XYLT1: variants seen among roughly 807,000 people sequenced by gnomAD.
XYLT1 encodes beta-D-xylosyltransferase 1.
Under a neutral mutation model 91.3 loss-of-function variants are expected in XYLT1, and 36 were observed. The observed-to-expected ratio is 0.39, with a 90% confidence interval of 0.30 to 0.52. The LOEUF is 0.52. Ranked by LOEUF, XYLT1 falls within the 20% of genes least tolerant of loss-of-function variation. The pLI is 0.68. For synonymous variants in XYLT1, 588 were observed against 532.0 expected, an observed-to-expected ratio of 1.11 and a Z score of -1.45; for missense variants, 1,242 against 1,284.5, an observed-to-expected ratio of 0.97 and a Z score of 0.51.
intron 3 of XYLT1, among the ~76,000 whole-genome samples, chr16:17,238,423 GCA>G (rs970294855): frequency 2.6e-5 from 4 of 152,202 alleles, no homozygotes; most frequent in Non-Finnish European, 5.9e-5. Context: ...TTTTGGAGCT[GCA>G]CAGTTTCTGT....
intron 9 of XYLT1, among the ~76,000 whole-genome samples, chr16:17,132,509 AAT>A (rs1451367606): frequency 1.2e-5 from 1 of 82,430 alleles, no homozygotes; most frequent in Admixed American, 1.4e-4. Flanking sequence ...AGATACCAGC[AAT>A]GACCTGAACC....
intron 5 of XYLT1, among the ~76,000 whole-genome samples, chr16:17,176,215 C>A (rs1002812578): frequency 6.6e-6 from 1 of 152,178 alleles, no homozygotes; most frequent in African/African-American, 2.4e-5. Context: ...GGCACTGTAC[C>A]AGGAATAAGA....
At chr16:17,239,566 C>T (rs2033311775) in intron 3 of XYLT1, among the ~76,000 whole-genome samples, 2 of 149,902 alleles carry the variant, frequency 1.3e-5, no homozygotes, top group Non-Finnish European at 1.5e-5. Flanking sequence ...TCCACCCAGT[C>T]CATCCATCCA....
Position 17,232,999 on chromosome 16 carries a change from C to G in XYLT1, c.913+25989G>C, listed in dbSNP as rs1199286919. Among the ~76,000 whole-genome samples the G allele has an allele frequency of 2.6e-5, 4 of 152,252 alleles. No homozygotes were observed. The South Asian group carries it at 6.2e-4, about 24-fold the overall frequency. On this transcript the variant is annotated intron_variant, in intron 3 of 11. Transcript: ENST00000261381. Reference sequence around the variant, plus strand: ...TTTTTAATGCCTCCACCATATCACTCTCTGACATACACTATCAGGACTTGT... The same window carrying G: ...TTTTTAATGCCTCCACCATATCACTGTCTGACATACACTATCAGGACTTGT...
At chr16:17,413,748 G>A (rs1239211749) in intron 1 of XYLT1, among the ~76,000 whole-genome samples, 2 of 152,088 alleles carry the variant, frequency 1.3e-5, no homozygotes, top group East Asian at 3.9e-4. Context: ...TAGCATTAGG[G>A]GTTTTATAGA....
intron 1 of XYLT1, among the ~76,000 whole-genome samples, chr16:17,429,107 C>T (rs1232967530): frequency 6.6e-6 from 1 of 152,232 alleles, no homozygotes; most frequent in African/African-American, 2.4e-5. Context: ...TCTACCTCTG[C>T]AGGGGGAAAG....
intron 3 of XYLT1, among the ~76,000 whole-genome samples, chr16:17,239,189 A>T (rs1426812775): frequency 6.6e-6 from 1 of 151,886 alleles, no homozygotes; most frequent in Non-Finnish European, 1.5e-5. Context: ...GCAGACTTGG[A>T]CCCCTGTAAT....
At chr16:17,343,828 C>A (rs938088164) in intron 2 of XYLT1, among the ~76,000 whole-genome samples, 1 of 152,158 alleles carries the variant, frequency 6.6e-6, no homozygotes. Context: ...CCTCATCACA[C>A]CCACAGTGAA....
rs772399987 is a variant in XYLT1 at position 17,259,213 on chromosome 16, C to T, written c.688G>A (p.Gly230Arg). The T allele has an allele frequency of 1.3e-5, 21 of 1,613,798 alleles. No homozygotes were observed. In the Admixed American group the frequency reaches 2.0e-4, roughly 15 times the overall value. The change falls in exon 3 of 12, where the codon GGG becomes AGG. Residue 230 changes from glycine to arginine, a missense_variant. Coordinates refer to ENST00000261381, the MANE Select transcript of XYLT1 (RefSeq NM_022166.4). ...GDRAAANSSHGKDVSRPPHAR... is the reference protein window; with the variant it reads ...GDRAAANSSHRKDVSRPPHAR... ...TGAGGCGGTCTGGACACATCCTTCC[C>T]GTGGCTGCTGTTGGCTGCGGCTCTG... is the stretch of plus-strand genomic sequence containing the variant.
chr16:17,313,687 T>TC (rs2034585638), intron 2 of XYLT1, among the ~76,000 whole-genome samples: 3 of 137,884 alleles, frequency 2.2e-5, no homozygotes, highest in African/African-American at 9.1e-5. Context: ...ATCCAAACCA[T>TC]TAAAAAAAAA....
intron 3 of XYLT1, among the ~76,000 whole-genome samples, chr16:17,252,020 C>A (rs765091351): frequency 4.5e-4 from 68 of 152,100 alleles, no homozygotes; most frequent in Non-Finnish European, 2.8e-4. Flanking sequence ...ATGGCTGACA[C>A]CATCAAAGAA....
In XYLT1 at chr16:17,230,988, A is replaced by C. The variant is rs560962751; in HGVS notation, c.913+28000T>G. 2.0e-5 allele frequency among the ~76,000 whole-genome samples: 3 copies of C among 152,360 alleles called. No individual in the cohort carries two copies. In the East Asian group the frequency reaches 5.8e-4, roughly 29 times the overall value. On this transcript the variant is annotated intron_variant, in intron 3 of 11. Transcript: ENST00000261381. ...CAGCCCAAAGTGTCAACAGGACCAC[A>C]GTTGAAAAACCCTGAGCTAACAGAA...
chr16:17,411,795 A>G (rs1296561100), intron 1 of XYLT1, among the ~76,000 whole-genome samples: 1 of 152,190 alleles, frequency 6.6e-6, no homozygotes, highest in African/African-American at 2.4e-5. Context: ...GGCTCCGGAA[A>G]CTGTCCAAGA....
chr16:17,254,693 C>T (rs1290838266), intron 3 of XYLT1, among the ~76,000 whole-genome samples: 3 of 152,108 alleles, frequency 2.0e-5, no homozygotes, highest in Non-Finnish European at 2.9e-5. Flanking sequence ...CCGTGCCTGG[C>T]CTAGCTTACT....
intron 2 of XYLT1, chr16:17,338,265 C>T: frequency 2.2e-6 from 1 of 456,532 alleles, no homozygotes; most frequent in Non-Finnish European, 4.4e-6. Context: ...TTGGACCATG[C>T]TCTTCTGCTC....
chr16:17,265,675 T>G (rs879547742), intron 2 of XYLT1, among the ~76,000 whole-genome samples: 2 of 152,142 alleles, frequency 1.3e-5, no homozygotes, highest in Non-Finnish European at 2.9e-5. Flanking sequence ...GGTAGAAATA[T>G]GCTAAACATA....
At chr16:17,139,989 G>T (rs566715138) in intron 7 of XYLT1, among the ~76,000 whole-genome samples, 3 of 152,256 alleles carry the variant, frequency 2.0e-5, no homozygotes, top group African/African-American at 7.2e-5. Context: ...GTCCCGGGAA[G>T]GAACAAGGGA....
At chr16:17,388,401 T>C (rs1394267449) in intron 1 of XYLT1, among the ~76,000 whole-genome samples, 1 of 151,454 alleles carries the variant, frequency 6.6e-6, no homozygotes, top group Non-Finnish European at 1.5e-5. Flanking sequence ...CCAGAGAGAG[T>C]TCAGATAAAG....
intron 1 of XYLT1, among the ~76,000 whole-genome samples, chr16:17,411,804 G>T (rs2036112869): frequency 6.6e-6 from 1 of 152,200 alleles, no homozygotes; most frequent in South Asian, 2.1e-4. Context: ...AACTGTCCAA[G>T]AAGAAACTCC....
Sources: allele counts gnomAD v4.1 joint callset (sites outside exome capture counted in the v4.1 genomes callset), GRCh38; gene constraint gnomAD v4.1.1; transcripts MANE v1.5; gene names NCBI Gene and HGNC (gene_info 2026-07-23, HGNC 2026-07-21).